The following TMX3 variants were observed in gnomAD, a reference collection of about 807,000 sequenced individuals.
The protein encoded by TMX3 is thioredoxin related transmembrane protein 3, also known as protein disulfide-isomerase TMX3.
Under a neutral mutation model 64.4 loss-of-function variants are expected in TMX3, and 40 were observed. That is an observed-to-expected ratio of 0.62 (90% CI 0.48 to 0.81). TMX3 has a LOEUF of 0.81. Ranked by LOEUF, TMX3 falls within the 30% of genes least tolerant of loss-of-function variation. The pLI, the probability that TMX3 is intolerant of heterozygous loss-of-function variation, is 0.00. For missense variants in TMX3, 497 were observed against 534.5 expected (o/e 0.93, Z 0.69); for synonymous variants, 189 against 175.7 (o/e 1.08, Z -0.60).
At chr18:68,686,648 A>C in intron 10 of TMX3, 1 of 797,444 alleles carries the variant, frequency 1.3e-6, no homozygotes, top group Non-Finnish European at 1.5e-6. Flanking sequence ...TGGAGGTTGC[A>C]GTGAGCCAAG....
At chr18:68,690,604 T>C (rs879579579) in intron 9 of TMX3, among the ~76,000 whole-genome samples, 4 of 152,202 alleles carry the variant, frequency 2.6e-5, no homozygotes, top group African/African-American at 7.2e-5. Flanking sequence ...AAATAAAAAG[T>C]CTACATTTTG....
intron 15 of TMX3, among the ~76,000 whole-genome samples, chr18:68,678,655 G>C (rs552804838): frequency 6.6e-6 from 1 of 152,202 alleles, no homozygotes; most frequent in South Asian, 2.1e-4. Context: ...GAGGAAATTA[G>C]AATAGCAGAA....
At chr18:68,679,373 T>C in intron 15 of TMX3, 90 bp downstream of exon 15, 1 of 1,027,254 alleles carries the variant, frequency 9.7e-7, no homozygotes. Context: ...TATTTTGACC[T>C]AATCTTTTCA....
At chr18:68,685,060 G>A (rs918240763) in intron 10 of TMX3, among the ~76,000 whole-genome samples, 2 of 152,102 alleles carry the variant, frequency 1.3e-5, no homozygotes, top group Non-Finnish European at 2.9e-5. Flanking sequence ...TATCTTCTAG[G>A]AAGCTGGCAT....
At chr18:68,681,472 C>T (rs571767564) in intron 13 of TMX3, 1 of 985,120 alleles carries the variant, frequency 1.0e-6, no homozygotes, top group African/African-American at 1.7e-5. Context: ...TGTATAGATA[C>T]TTTTTTTCTC....
chr18:68,693,205 C>A (rs1172863798), intron 8 of TMX3, among the ~76,000 whole-genome samples: 20 of 152,196 alleles, frequency 1.3e-4, no homozygotes, highest in Non-Finnish European at 4.4e-5. Flanking sequence ...GCAGTGGCAG[C>A]CCGTCTGGAG....
intron 8 of TMX3, among the ~76,000 whole-genome samples, chr18:68,693,498 C>T (rs1276816534): frequency 3.3e-5 from 5 of 151,868 alleles, no homozygotes; most frequent in South Asian, 2.1e-4. Context: ...CTGCTCCTGG[C>T]GCCTGCTCTG....
At chr18:68,690,413 T>C (rs1466362517) in intron 9 of TMX3, among the ~76,000 whole-genome samples, 2 of 152,158 alleles carry the variant, frequency 1.3e-5, no homozygotes, top group African/African-American at 4.8e-5. Context: ...TTGAGTGGCT[T>C]TGTGGTGGCC....
chr18:68,714,904 C>T, intron 1 of TMX3, 32 bp downstream of exon 1: 2 of 1,549,454 alleles, frequency 1.3e-6, no homozygotes, highest in Non-Finnish European at 1.7e-6. Flanking sequence ...CCCACGCGCC[C>T]GCCAGCGTCC....
chr18:68,700,527 A>T (rs760962897), intron 5 of TMX3, 42 bp from the exon 6 acceptor site: 9 of 1,340,130 alleles, frequency 6.7e-6, no homozygotes, highest in Non-Finnish European at 9.2e-6. Context: ...TTGTTCTAAC[A>T]GTTTTAATAT....
Position 68,680,890 on chromosome 18 carries a change from T to G in TMX3, c.1035+91A>C, listed in dbSNP as rs309208. ...CCCTCTACTCCGGGTGATGGCCAAC[T>G]ATTCTTTTCAGAATCACAAGTAAAG... On this transcript the variant is annotated intron_variant, in intron 14 of 15. Transcript: ENST00000299608. The G allele has an allele frequency of 0.013, 17,611 of 1,307,280 alleles. 1,488 individuals carry two copies. The African/African-American group carries it at 0.21, about 15-fold the overall frequency. The allele number at this position is 1,307,280 out of a possible 1,614,324, so 81.0% of individuals were successfully genotyped here.
At position 68,675,118 on chromosome 18, in the gene TMX3, T is replaced by A. The variant is rs192725085; in HGVS notation, c.*1815A>T. On this transcript the variant is annotated 3_prime_UTR_variant, in exon 16 of 16. Coordinates refer to ENST00000299608, the MANE Select transcript of TMX3 (RefSeq NM_019022.5). The stretch of plus-strand genomic sequence containing the variant: ...GACTGCTAAGTTTTCACTTCCTTAC[T>A]AGGCTGAGTTTCAAATGAGGTATCC... 105 of 152,294 alleles carry A rather than the reference T, an allele frequency of 6.9e-4. No individual in the cohort carries two copies. Among genetic ancestry groups the A allele is most frequent in the Middle Eastern group, 3.4e-3 (1 of 294 alleles). The allele number at this position is 152,294 out of a possible 1,614,324, so 9.4% of individuals were successfully genotyped here.
At chr18:68,707,051 A>G (rs1599340090) in intron 4 of TMX3, among the ~76,000 whole-genome samples, 1 of 152,236 alleles carries the variant, frequency 6.6e-6, no homozygotes, top group African/African-American at 2.4e-5. Flanking sequence ...TATAAGTTCC[A>G]TAAGACTAGA....
intron 2 of TMX3, 142 bp from the exon 3 acceptor site, chr18:68,711,545 A>G: frequency 2.0e-6 from 1 of 490,282 alleles, no homozygotes; most frequent in South Asian, 4.4e-5. Context: ...ATTTTTACTC[A>G]GTGACCTATC....
intron 9 of TMX3, 116 bp downstream of exon 9, chr18:68,691,179 G>T: frequency 3.4e-6 from 2 of 587,046 alleles, no homozygotes; most frequent in Non-Finnish European, 5.4e-6. Flanking sequence ...TTCAAGTCAT[G>T]AGAACTGTTA....
intron 9 of TMX3, chr18:68,689,547 T>C (rs1326593609): frequency 1.3e-5 from 2 of 152,154 alleles, no homozygotes; most frequent in Non-Finnish European, 1.5e-5. Context: ...TCTTTATCTG[T>C]AAAATGGTAA....
At chr18:68,711,833 G>C (rs994555530) in intron 2 of TMX3, among the ~76,000 whole-genome samples, 4 of 152,166 alleles carry the variant, frequency 2.6e-5, no homozygotes, top group Admixed American at 2.6e-4. Flanking sequence ...GGTAATGATG[G>C]CTCAGTGTTC....
In TMX3 at chr18:68,674,148, C is replaced by T. The variant is rs1289613891; in HGVS notation, c.*2785G>A. Reference sequence around the variant, plus strand: ...CATATAGACCCTTCCTTCAATCCCCCAGATACTTGGCATTTAAATGTTATT... The same window carrying T: ...CATATAGACCCTTCCTTCAATCCCCTAGATACTTGGCATTTAAATGTTATT... On this transcript the variant is annotated 3_prime_UTR_variant, in exon 16 of 16. Coordinates refer to ENST00000299608, the MANE Select transcript of TMX3 (RefSeq NM_019022.5). 1 of 152,128 alleles carries T rather than the reference C, an allele frequency of 6.6e-6. No individual in the cohort carries two copies. Among genetic ancestry groups the T allele is most frequent in the African/African-American group, 2.4e-5 (1 of 41,440 alleles). 9.4% of individuals were successfully genotyped at this position (152,128 alleles called of 1,614,324 possible).
At chr18:68,694,944 C>A (rs1352384160) in intron 8 of TMX3, among the ~76,000 whole-genome samples, 1 of 151,804 alleles carries the variant, frequency 6.6e-6, no homozygotes, top group Non-Finnish European at 1.5e-5. Context: ...AAAAATATTT[C>A]AATTTTTTTA....
Sources: allele counts gnomAD v4.1 joint callset (sites outside exome capture counted in the v4.1 genomes callset), GRCh38; gene constraint gnomAD v4.1.1; transcripts MANE v1.5; gene names NCBI Gene and HGNC (gene_info 2026-07-23, HGNC 2026-07-21).